PRICKLE2: variants seen among roughly 807,000 people sequenced by gnomAD.
PRICKLE2 encodes prickle-like protein 2.
Under a neutral mutation model 81.4 loss-of-function variants are expected in PRICKLE2, and 21 were observed. That is an observed-to-expected ratio of 0.26 (90% CI 0.18 to 0.37). The LOEUF is 0.37. Ranked by LOEUF, PRICKLE2 falls within the 10% of genes least tolerant of loss-of-function variation. PRICKLE2 has a pLI of 1.00. For synonymous variants in PRICKLE2, 456 were observed against 421.5 expected, an observed-to-expected ratio of 1.08 and a Z score of -1.00; for missense variants, 940 against 1,109.0, an observed-to-expected ratio of 0.85 and a Z score of 2.16.
At chr3:64,159,837 T>C in intron 4 of PRICKLE2, 103 bp downstream of exon 4, 1 of 1,456,104 alleles carries the variant, frequency 6.9e-7, no homozygotes, top group Non-Finnish European at 9.6e-7. Context: ...CACTACTGTA[T>C]CTCAGGCACA....
intron 2 of PRICKLE2, among the ~76,000 whole-genome samples, chr3:64,189,748 T>C (rs2078298222): frequency 6.6e-6 from 1 of 152,164 alleles, no homozygotes; most frequent in Admixed American, 6.5e-5. Flanking sequence ...ACAATGTCCG[T>C]CTCTAACAGA....
At position 64,238,364 on chromosome 3, in the gene PRICKLE2, T is replaced by C. The variant is rs185607112; in HGVS notation, c.129-39397A>G. Among the ~76,000 whole-genome samples, 149 of 151,834 alleles carry C rather than the reference T, an allele frequency of 9.8e-4. 1 individual carries two copies. The highest frequency in any genetic ancestry group is 3.4e-3 in the African/African-American group (140 of 41,374). ...TTAGCTGGGCATGATGGTGCCTGCC[T>C]GTAGTCCCAGCTACTCGGGAGGCTG... is the stretch of plus-strand genomic sequence containing the variant. On this transcript the variant is annotated intron_variant, in intron 2 of 8. Transcript: ENST00000295902.
At chr3:64,161,153 G>A (rs887570048) in intron 3 of PRICKLE2, among the ~76,000 whole-genome samples, 3 of 152,108 alleles carry the variant, frequency 2.0e-5, no homozygotes, top group African/African-American at 7.2e-5. Context: ...GCACTAAATT[G>A]AAATTTCCTC....
Position 64,094,521 on chromosome 3 carries a change from T to C in PRICKLE2, c.*4530A>G, listed in dbSNP as rs2076543545. The C allele has an allele frequency of 6.6e-6, 1 of 152,260 alleles. No individual in the cohort carries two copies. The highest frequency in any genetic ancestry group is 1.5e-5 in the Non-Finnish European group (1 of 68,050). The allele number at this position is 152,260 out of a possible 1,614,324, so 9.4% of individuals were successfully genotyped here. ...CACTATGTGACTTTCCCCTCCTTTA[T>C]ATTTCCTTGAGGAAAGCTAGTTTTG... On this transcript the variant is annotated 3_prime_UTR_variant, in exon 8 of 8. Transcript: ENST00000638394.
At chr3:64,252,491 T>A (rs1454692998) in intron 2 of PRICKLE2, among the ~76,000 whole-genome samples, 1 of 152,186 alleles carries the variant, frequency 6.6e-6, no homozygotes, top group Non-Finnish European at 1.5e-5. Flanking sequence ...TGAGCCAGCA[T>A]CATCCCAACA....
Position 64,163,500 on chromosome 3 carries a change from C to T in PRICKLE2, c.145-371G>A, listed in dbSNP as rs1309059050. 1.2e-5 allele frequency: 4 copies of T among 329,848 alleles called. No homozygotes were observed. The Admixed American group carries it at 1.2e-4, about 10-fold the overall frequency. The allele number at this position is 329,848 out of a possible 1,614,324, so 20.4% of individuals were successfully genotyped here. On this transcript the variant is annotated intron_variant, in intron 2 of 7. Coordinates refer to ENST00000638394, the MANE Select transcript of PRICKLE2 (RefSeq NM_198859.4). ...TGTTAGTCTCCAGCATATGACGTGC[C>T]TCCCTAGCCAAAGGGATATGTCAGC...
intron 2 of PRICKLE2, among the ~76,000 whole-genome samples, chr3:64,236,942 G>A (rs1016090671): frequency 3.9e-5 from 6 of 152,178 alleles, no homozygotes; most frequent in Non-Finnish European, 5.9e-5. Flanking sequence ...TCATGCTGCG[G>A]TGATCTCTGC....
chr3:64,129,670 T>C (rs571959611), intron 7 of PRICKLE2, among the ~76,000 whole-genome samples: 7 of 152,130 alleles, frequency 4.6e-5, no homozygotes, highest in Non-Finnish European at 7.4e-5. Context: ...CCATTGAGCC[T>C]AGGAGTTTAA....
At chr3:64,112,776 T>C (rs1418470126) in intron 7 of PRICKLE2, among the ~76,000 whole-genome samples, 1 of 152,158 alleles carries the variant, frequency 6.6e-6, no homozygotes, top group Non-Finnish European at 1.5e-5. Context: ...CAAGGCCTAA[T>C]ATACAGAATC....
At chr3:64,177,125 CTTTTTTT>C (rs10690677) in intron 2 of PRICKLE2, among the ~76,000 whole-genome samples, 1 of 70,854 alleles carries the variant, frequency 1.4e-5, no homozygotes, top group Non-Finnish European at 2.3e-5. Flanking sequence ...CCATTTTAAC[CTTTTTTT>C]TTTTTTTTTT....
upstream of PRICKLE2, among the ~76,000 whole-genome samples, chr3:64,229,793 C>A (rs529968817): frequency 1.3e-5 from 2 of 152,246 alleles, no homozygotes; most frequent in South Asian, 4.1e-4. Flanking sequence ...AAGAGTAATC[C>A]TGATATTTAG....
intron 7 of PRICKLE2, among the ~76,000 whole-genome samples, chr3:64,111,132 C>T (rs1449583917): frequency 1.3e-5 from 2 of 152,130 alleles, no homozygotes; most frequent in African/African-American, 4.8e-5. Flanking sequence ...CTTTTGTGCT[C>T]AGTTCCCTCA....
intron 2 of PRICKLE2, among the ~76,000 whole-genome samples, chr3:64,258,363 A>G: frequency 6.6e-6 from 1 of 152,238 alleles, no homozygotes; most frequent in East Asian, 1.9e-4. Context: ...TCTATTTAAC[A>G]ATGGAACCCT....
intron 2 of PRICKLE2, among the ~76,000 whole-genome samples, chr3:64,244,683 A>T (rs930885665): frequency 2.6e-5 from 4 of 152,122 alleles, no homozygotes; most frequent in African/African-American, 9.6e-5. Flanking sequence ...AGAAAGCGAA[A>T]AAATGGGAAT....
intron 2 of PRICKLE2, among the ~76,000 whole-genome samples, chr3:64,240,332 G>T (rs2079245393): frequency 6.6e-6 from 1 of 152,102 alleles, no homozygotes; most frequent in Non-Finnish European, 1.5e-5. Context: ...AGTGAATGAA[G>T]GATTAAACAA....
chr3:64,159,979 C>A lies in PRICKLE2; in HGVS notation c.357G>T (p.Arg119Ser). The A allele has an allele frequency of 1.2e-6, 2 of 1,614,138 alleles. No homozygotes were observed. The highest frequency in any genetic ancestry group is 1.7e-6 in the Non-Finnish European group (2 of 1,180,026). ...KRENLGRGNV[R>S]PFPVTMTGAI... ...CTCCTGTCATGGTGACTGGGAAAGG[C>A]CTGACATTCCCGCGGCCCAAGTTTT... The change falls in exon 4 of 8, where the codon AGG becomes AGT. Residue 119 changes from arginine to serine, a missense_variant. By Grantham distance (110) the Arg-to-Ser change is moderately radical. Coordinates refer to ENST00000638394, the MANE Select transcript of PRICKLE2 (RefSeq NM_198859.4).
At chr3:64,178,974 T>C (rs887418381) in intron 2 of PRICKLE2, among the ~76,000 whole-genome samples, 2 of 84,238 alleles carry the variant, frequency 2.4e-5, no homozygotes, top group African/African-American at 1.0e-4. Flanking sequence ...TTTCTTTCTT[T>C]CTTTCTTTCT....
rs1406891675 is a variant in PRICKLE2, at chr3:64,147,499, C to T, written c.991G>A (p.Ala331Thr). The T allele has an allele frequency of 1.9e-6, 3 of 1,614,260 alleles. No homozygotes were observed. The Admixed American group carries it at 5.0e-5, about 27-fold the overall frequency. Reference sequence around the variant, plus strand: ...TTGGCACTGCGCCGGGACTCCTTGGCCCTGGCGTTCTGGAAGGCGGAATCA... The same window carrying T: ...TTGGCACTGCGCCGGGACTCCTTGGTCCTGGCGTTCTGGAAGGCGGAATCA... ...SSDSAFQNAR[A>T]KESRRSAKIG... is the part of the protein sequence containing the mutation. Residue 331 changes from alanine to threonine, a missense_variant, in exon 7 of 8, where the codon GCC becomes ACC. This residue lies in a region of PRICKLE2 where 670 missense variants were observed against 717.2 expected (regional missense o/e 0.93). Transcript: ENST00000638394. The surrounding 1 kb of genome is among the most constrained non-coding windows in gnomAD (Gnocchi z 5.0).
At chr3:64,130,799 T>G (rs1363321941) in intron 7 of PRICKLE2, among the ~76,000 whole-genome samples, 1 of 152,176 alleles carries the variant, frequency 6.6e-6, no homozygotes, top group Non-Finnish European at 1.5e-5. Flanking sequence ...ATTGGAATCT[T>G]GGGGGTGGGG....
Sources: allele counts gnomAD v4.1 joint callset (sites outside exome capture counted in the v4.1 genomes callset), GRCh38; gene constraint gnomAD v4.1.1; regional missense constraint gnomAD v4.1.1; non-coding constraint Gnocchi (gnomAD v3.1); transcripts MANE v1.5; gene names NCBI Gene and HGNC (gene_info 2026-07-23, HGNC 2026-07-21).